The following FOXRED1 variants were observed in gnomAD, a reference collection of about 807,000 sequenced individuals.
FOXRED1 encodes the protein FAD dependent oxidoreductase domain containing 1.
Under a neutral mutation model 57.8 loss-of-function variants are expected in FOXRED1, and 52 were observed. That is an observed-to-expected ratio of 0.90 (90% CI 0.72 to 1.13). The LOEUF is 1.13. Among genes scored for constraint, FOXRED1 ranks in the 50% most tolerant of loss-of-function variants. The pLI is 0.00. For synonymous variants in FOXRED1, 271 were observed against 248.3 expected (o/e 1.09, Z -0.86); for missense variants, 589 against 625.2 (o/e 0.94, Z 0.62).
Position 126,275,055 on chromosome 11 carries a change from C to T in FOXRED1, c.631+34C>T. The T allele has an allele frequency of 7.1e-7, 1 of 1,415,328 alleles. No individual in the cohort carries two copies. Among genetic ancestry groups the T allele is most frequent in the Non-Finnish European group, 1.0e-6 (1 of 998,792 alleles). The allele number at this position is 1,415,328 out of a possible 1,614,324, so 87.7% of individuals were successfully genotyped here. A position where few individuals can be genotyped will look rare whatever the true frequency, so the allele number is the denominator to read the frequency against. ...TGCTTGCAGAGGGGACAGCTTTTTTCCTGAAGATGGAGACTAAGGGGTGCT... is the reference window on the plus strand; with the variant it reads ...TGCTTGCAGAGGGGACAGCTTTTTTTCTGAAGATGGAGACTAAGGGGTGCT... On this transcript the variant is annotated intron_variant, in intron 5 of 10. Transcript: ENST00000263578. The surrounding 1 kb of genome is among the most constrained non-coding windows in gnomAD (Gnocchi z 5.9).
At chr11:126,270,878 G>C (rs1485399664) in intron 1 of FOXRED1, 3 of 173,522 alleles carry the variant, frequency 1.7e-5, no homozygotes, top group Admixed American at 1.1e-4. Flanking sequence ...CATTTGTCCA[G>C]TTGAGAGATG....
chr11:126,277,566 T>G lies in FOXRED1; in HGVS notation c.1338T>G (p.Pro446=). ...GFSGHGLQQA[P]GIGRAVAEMV... Reference sequence around the variant, plus strand: ...GTGGTCACGGGCTCCAGCAGGCCCCTGGCATTGGGCGAGCTGTAGCAGAGA... The same window carrying G: ...GTGGTCACGGGCTCCAGCAGGCCCCGGGCATTGGGCGAGCTGTAGCAGAGA... Residue 446 remains proline (P), a synonymous_variant, in exon 11 of 11, where the codon CCT becomes CCG. Coordinates refer to ENST00000263578, the MANE Select transcript of FOXRED1 (RefSeq NM_017547.4). The surrounding 1 kb of genome is among the most constrained non-coding windows in gnomAD (Gnocchi z 6.8). 6.2e-7 allele frequency: 1 copy of G among 1,613,774 alleles called. No homozygotes were observed. Among genetic ancestry groups the G allele is most frequent in the Non-Finnish European group, 8.5e-7 (1 of 1,180,008 alleles).
chr11:126,275,750 T>A lies in FOXRED1; in HGVS notation c.734-44T>A. 7.6e-7 allele frequency: 1 copy of A among 1,315,158 alleles called. No homozygotes were observed. Among genetic ancestry groups the A allele is most frequent in the African/African-American group, 1.4e-5 (1 of 69,280 alleles). The allele number at this position is 1,315,158 out of a possible 1,614,324, so 81.5% of individuals were successfully genotyped here. ...ACCAGTGAAATCCCCATTTCATTCCTCTTCAGCACCTCTACGGCCTATTTT... is the reference window on the plus strand; with the variant it reads ...ACCAGTGAAATCCCCATTTCATTCCACTTCAGCACCTCTACGGCCTATTTT... On this transcript the variant is annotated intron_variant, in intron 6 of 10. Coordinates refer to ENST00000263578, the MANE Select transcript of FOXRED1 (RefSeq NM_017547.4). This position sits in a 1 kb window ranked among gnomAD's most constrained non-coding sequence, Gnocchi z 5.9.
chr11:126,272,932 G>A lies in FOXRED1; in HGVS notation c.307-37G>A, dbSNP rs1951028238. 2.1e-6 allele frequency: 2 copies of A among 968,856 alleles called. No individual in the cohort carries two copies. Among genetic ancestry groups the A allele is most frequent in the East Asian group, 2.4e-5 (1 of 42,040 alleles). 60.0% of individuals were successfully genotyped at this position (968,856 alleles called of 1,614,324 possible). ...CAGTATTCTAGTCACATGTGATAGG[G>A]TACTGGTCTACCTCAACTTTTCTTG... On this transcript the variant is annotated intron_variant, in intron 2 of 10. Coordinates refer to ENST00000263578, the MANE Select transcript of FOXRED1 (RefSeq NM_017547.4). The surrounding 1 kb of genome is among the most constrained non-coding windows in gnomAD (Gnocchi z 4.6).
Position 126,275,311 on chromosome 11 carries a change from CTT to C in FOXRED1, c.632-12_632-11del, listed in dbSNP as rs1003912039. The C allele has an allele frequency of 6.3e-7, 1 of 1,583,408 alleles. No homozygotes were observed. Among genetic ancestry groups the C allele is most frequent in the African/African-American group, 1.3e-5 (1 of 74,404 alleles). On this transcript the variant is annotated splice_polypyrimidine_tract_variant and intron_variant, in intron 5 of 10. Coordinates refer to ENST00000263578, the MANE Select transcript of FOXRED1 (RefSeq NM_017547.4). The surrounding 1 kb of genome is among the most constrained non-coding windows in gnomAD (Gnocchi z 5.9). ...GTCCTCATCCCTCTTTGTGAGTTCT[CTT>C]TTTCTTATCACAGGGATGGAGGACG... is the stretch of plus-strand genomic sequence containing the variant.
chr11:126,276,577 G>A (rs1951155197), intron 9 of FOXRED1, 54 bp downstream of exon 9: 5 of 1,580,094 alleles, frequency 3.2e-6, no homozygotes, highest in Admixed American at 1.7e-5. Context: ...TAATTGTCAC[G>A]AAACAATCAG....
Position 126,277,120 on chromosome 11 carries a change from A to G in FOXRED1, c.1151A>G (p.Gln384Arg), listed in dbSNP as rs753171598. 2 of 1,613,638 alleles carry G rather than the reference A, an allele frequency of 1.2e-6. No individual in the cohort carries two copies. The highest frequency in any genetic ancestry group is 4.5e-5 in the East Asian group (2 of 44,896). Reference protein sequence around the residue: ...ANLEVDHDFFQDKVWPHLALR... With the variant: ...ANLEVDHDFFRDKVWPHLALR... ...CTGGAAGTGGACCATGATTTCTTCC[A>G]GGACAAGGTGTGGCCCCATTTGGCC... Residue 384 changes from glutamine to arginine, a missense_variant, in exon 10 of 11, where the codon CAG becomes CGG. By Grantham distance (43) the Gln-to-Arg change is conservative (BLOSUM62 1). Coordinates refer to ENST00000263578, the MANE Select transcript of FOXRED1 (RefSeq NM_017547.4). The surrounding 1 kb of genome is among the most constrained non-coding windows in gnomAD (Gnocchi z 6.8).
chr11:126,271,891 A>G lies in FOXRED1; in HGVS notation c.306+234A>G. 2.0e-6 allele frequency: 1 copy of G among 512,742 alleles called. No individual in the cohort carries two copies. The highest frequency in any genetic ancestry group is 3.1e-5 in the Admixed American group (1 of 32,754). The allele number at this position is 512,742 out of a possible 1,614,324, so 31.8% of individuals were successfully genotyped here. A position where few individuals can be genotyped will look rare whatever the true frequency, so the allele number is the denominator to read the frequency against. Reference sequence around the variant, plus strand: ...TTGAAAGCAGATATCACCATATTGGATTTTTCGAGATCTCATAGCTCTGGT... The same window carrying G: ...TTGAAAGCAGATATCACCATATTGGGTTTTTCGAGATCTCATAGCTCTGGT... On this transcript the variant is annotated intron_variant, in intron 2 of 10. Transcript: ENST00000263578. The surrounding 1 kb of genome is among the most constrained non-coding windows in gnomAD (Gnocchi z 5.3).
rs1178449430 is a variant in FOXRED1, at chr11:126,269,269, G to A, written c.63G>A (p.Thr21=). The A allele has an allele frequency of 6.2e-6, 10 of 1,614,098 alleles. No homozygotes were observed. Among genetic ancestry groups the A allele is most frequent in the African/African-American group, 1.3e-5 (1 of 74,962 alleles). Reference sequence around the variant, plus strand: ...GCCTCTTGACCCGGAGGCCAGGCACGCGCAGAGGAGGCTTTTCTCTGGGTA... The same window carrying A: ...GCCTCTTGACCCGGAGGCCAGGCACACGCAGAGGAGGCTTTTCTCTGGGTA... ...GRGLLTRRPG[T]RRGGFSLDWD... Residue 21 remains threonine, a synonymous_variant, in exon 1 of 11, where the codon ACG becomes ACA. Transcript: ENST00000263578.
intron 8 of FOXRED1, 78 bp from the exon 9 acceptor site, chr11:126,276,314 TGG>T: frequency 8.4e-7 from 1 of 1,190,722 alleles, no homozygotes; most frequent in Non-Finnish European, 1.1e-6. Flanking sequence ...TGTGTGTGTG[TGG>T]GGTGTGGGGT....
At position 126,274,916 on chromosome 11, in the gene FOXRED1, G is replaced by A. The variant is rs199599636; in HGVS notation, c.537-11G>A. On this transcript the variant is annotated splice_polypyrimidine_tract_variant and intron_variant, in intron 4 of 10. Transcript: ENST00000263578. This position sits in a 1 kb window ranked among gnomAD's most constrained non-coding sequence, Gnocchi z 4.8. ...CTGACACACATACACCGACCCACAC[G>A]TTTATCTCAGGCAGGAGGGAGCCAA... is the stretch of plus-strand genomic sequence containing the variant. 2.1e-4 allele frequency: 325 copies of A among 1,556,346 alleles called. 2 individuals are homozygous for A. The South Asian group carries it at 3.3e-3, about 16-fold the overall frequency.
intron 1 of FOXRED1, 74 bp downstream of exon 1, chr11:126,269,365 C>T (rs754729021): frequency 6.2e-7 from 1 of 1,612,038 alleles, no homozygotes; most frequent in Non-Finnish European, 8.5e-7. Context: ...CCTTCAGGAC[C>T]CGAAACCATG....
rs144003502 is a variant in FOXRED1, at chr11:126,277,540, A to C, written c.1312A>C (p.Ser438Arg). The C allele has an allele frequency of 6.2e-7, 1 of 1,613,730 alleles. No homozygotes were observed. Among genetic ancestry groups the C allele is most frequent in the Admixed American group, 1.7e-5 (1 of 60,030 alleles). Residue 438 changes from serine (S) to arginine (R), a missense_variant, in exon 11 of 11, where the codon AGT becomes CGT. Transcript: ENST00000263578. The surrounding 1 kb of genome is among the most constrained non-coding windows in gnomAD (Gnocchi z 6.8). ...VVNMYFATGF[S>R]GHGLQQAPGI... The stretch of plus-strand genomic sequence containing the variant: ...CAACATGTACTTTGCTACTGGCTTC[A>C]GTGGTCACGGGCTCCAGCAGGCCCC...
rs746806442 is a variant in FOXRED1 at position 126,273,402 on chromosome 11, C to T, written c.484C>T (p.Leu162=). Residue 162 remains leucine (L), a synonymous_variant, in exon 4 of 11, where the codon CTG becomes TTG. Coordinates refer to ENST00000263578, the MANE Select transcript of FOXRED1 (RefSeq NM_017547.4). This position sits in a 1 kb window ranked among gnomAD's most constrained non-coding sequence, Gnocchi z 5.9. The stretch of plus-strand genomic sequence containing the variant: ...GTTCAACCCCTCGGGCTACCTCTTG[C>T]TGGCTTCAGAAAAGGATGCTGCAGC... ...LRFNPSGYLL[L]ASEKDAAAME... The T allele has an allele frequency of 1.9e-6, 3 of 1,614,000 alleles. No homozygotes were observed. Among genetic ancestry groups the T allele is most frequent in the Non-Finnish European group, 2.5e-6 (3 of 1,180,014 alleles).
rs748225498 is a variant in FOXRED1, at chr11:126,277,679, A to G, written c.1451A>G (p.Asn484Ser). The G allele has an allele frequency of 3.7e-6, 6 of 1,613,524 alleles. No homozygotes were observed. Among genetic ancestry groups the G allele is most frequent in the Non-Finnish European group, 5.1e-6 (6 of 1,180,000 alleles). ...TTGGGAGAGAAGATCCAGGAGAACA[A>G]CATCATCTGAGCATGTGTGCTCTGC... is the stretch of plus-strand genomic sequence containing the variant. ...FYLGEKIQEN[N>S]II is the part of the protein sequence containing the mutation. The change falls in exon 11 of 11, where the codon AAC becomes AGC. Residue 484 changes from asparagine to serine, a missense_variant. By Grantham distance (46) the Asn-to-Ser change is conservative. Transcript: ENST00000263578. This position sits in a 1 kb window ranked among gnomAD's most constrained non-coding sequence, Gnocchi z 6.8.
chr11:126,274,012 G>T lies in FOXRED1; in HGVS notation c.536+558G>T. On this transcript the variant is annotated intron_variant, in intron 4 of 10. Transcript: ENST00000263578. This position sits in a 1 kb window ranked among gnomAD's most constrained non-coding sequence, Gnocchi z 4.8. ...ATGTTTGTGATGCAATATGGCCAGA[G>T]GCTTTATTTGTATGTTTATTTAACA... is the stretch of plus-strand genomic sequence containing the variant. The T allele has an allele frequency of 1.2e-5, 2 of 168,904 alleles. No individual in the cohort carries two copies. Among genetic ancestry groups the T allele is most frequent in the Non-Finnish European group, 1.3e-5 (1 of 76,626 alleles). 10.5% of individuals were successfully genotyped at this position (168,904 alleles called of 1,614,324 possible).
At position 126,272,929 on chromosome 11, in the gene FOXRED1, AG is replaced by A; in HGVS notation, c.307-37del. 1.1e-6 allele frequency: 1 copy of A among 947,190 alleles called. No homozygotes were observed. Among genetic ancestry groups the A allele is most frequent in the South Asian group, 1.3e-5 (1 of 77,882 alleles). The allele number at this position is 947,190 out of a possible 1,614,324, so 58.7% of individuals were successfully genotyped here. A position where few individuals can be genotyped will look rare whatever the true frequency, so the allele number is the denominator to read the frequency against. Reference sequence around the variant, plus strand: ...TTGCAGTATTCTAGTCACATGTGATAGGGTACTGGTCTACCTCAACTTTTCT... The same window carrying A: ...TTGCAGTATTCTAGTCACATGTGATAGGTACTGGTCTACCTCAACTTTTCT... On this transcript the variant is annotated intron_variant, in intron 2 of 10. Coordinates refer to ENST00000263578, the MANE Select transcript of FOXRED1 (RefSeq NM_017547.4). This position sits in a 1 kb window ranked among gnomAD's most constrained non-coding sequence, Gnocchi z 4.6.
chr11:126,277,380 G>C lies in FOXRED1; in HGVS notation c.1207-55G>C. On this transcript the variant is annotated intron_variant, in intron 10 of 10. Transcript: ENST00000263578. The surrounding 1 kb of genome is among the most constrained non-coding windows in gnomAD (Gnocchi z 6.8). ...CTGTGCTGAGCCCTGAGGGGAGTGA[G>C]GATGGAGTGTGGCTACAGCCTTCCC... 1 of 1,605,356 alleles carries C rather than the reference G, an allele frequency of 6.2e-7. No individual in the cohort carries two copies. Among genetic ancestry groups the C allele is most frequent in the Non-Finnish European group, 8.5e-7 (1 of 1,173,488 alleles).
In FOXRED1 at chr11:126,275,864, A is replaced by G; in HGVS notation, c.804A>G (p.Glu268=). The change falls in exon 7 of 11, where the codon GAA becomes GAG. Residue 268 remains glutamate (E), a synonymous_variant. Transcript: ENST00000263578. The surrounding 1 kb of genome is among the most constrained non-coding windows in gnomAD (Gnocchi z 5.9). ...DKAVVLKRIH[E]VHVKMDRSLE... ...CGGTGGTCTTGAAAAGGATCCATGAAGTCCATGTAAGTTTCTAGTCTGTGA... is the reference window on the plus strand; with the variant it reads ...CGGTGGTCTTGAAAAGGATCCATGAGGTCCATGTAAGTTTCTAGTCTGTGA... 1 of 1,607,820 alleles carries G rather than the reference A, an allele frequency of 6.2e-7. No homozygotes were observed. Among genetic ancestry groups the G allele is most frequent in the Non-Finnish European group, 8.5e-7 (1 of 1,174,330 alleles).
Sources: allele counts gnomAD v4.1 joint callset, GRCh38; gene constraint gnomAD v4.1.1; non-coding constraint Gnocchi (gnomAD v3.1); transcripts MANE v1.5; gene names NCBI Gene and HGNC (gene_info 2026-07-23, HGNC 2026-07-21).